Variants in NOTCH2NLC observed in about 807,000 individuals in gnomAD.
The protein encoded by NOTCH2NLC is notch 2 N-terminal like C, also known as notch homolog 2 N-terminal-like protein C.
In NOTCH2NLC, 4 loss-of-function variants were observed where a neutral mutation model predicts 17.7. The observed-to-expected ratio is 0.23, with a 90% CI of 0.11 to 0.52. The LOEUF is 0.52. NOTCH2NLC is among the 20% of genes least tolerant of loss of function. The probability of loss-of-function intolerance (pLI) is 0.96; values close to 1 mark genes in which losing one functional copy is unlikely to be tolerated. For synonymous variants in NOTCH2NLC, 18 were observed against 86.0 expected (o/e 0.21, Z 4.38); for missense variants, 57 against 207.2 (o/e 0.28, Z 4.45).
chr1:149,429,540 G>A (rs1434566656), intron 1 of NOTCH2NLC, among the ~76,000 whole-genome samples: 1 of 150,546 alleles, frequency 6.6e-6, no homozygotes, highest in East Asian at 2.0e-4. Context: ...AAAGTACTTA[G>A]GATAGTGCCT....
Position 149,466,303 on chromosome 1 carries a change from A to T in NOTCH2NLC, c.*2150A>T, listed in dbSNP as rs2101517227. 1 of 149,520 alleles carries T rather than the reference A, an allele frequency of 6.7e-6. No individual in the cohort carries two copies. Among genetic ancestry groups the T allele is most frequent in the Admixed American group, 6.7e-5 (1 of 14,912 alleles). 9.3% of individuals were successfully genotyped at this position (149,520 alleles called of 1,614,324 possible). On this transcript the variant is annotated 3_prime_UTR_variant, in exon 5 of 5. Coordinates refer to ENST00000650865, the MANE Select transcript of NOTCH2NLC (RefSeq NM_001364013.2). ...TATATATATATATATCGCATTGTGC[A>T]GATGTTTAAAAGTAGTTACATAGAC...
In NOTCH2NLC at chr1:149,419,081, TTC is replaced by T. The variant is rs1325263292; in HGVS notation, c.136-11849_136-11848del. 5.0e-4 allele frequency among the ~76,000 whole-genome samples: 74 copies of T among 148,652 alleles called. 1 individual carries two copies. Among genetic ancestry groups the T allele is most frequent in the African/African-American group, 1.6e-3 (63 of 40,634 alleles). ...TTTTTTTTCTTTTCTTTTCTTTCTT[TTC>T]TCTCTCTCTCTTTCTTTAGCAGTTT... On this transcript the variant is annotated intron_variant, in intron 1 of 4. Transcript: ENST00000650865.
chr1:149,423,362 T>C (rs1410583728), intron 1 of NOTCH2NLC, among the ~76,000 whole-genome samples: 53 of 151,414 alleles, frequency 3.5e-4, no homozygotes, highest in Non-Finnish European at 1.5e-5. Context: ...ACTTCTTCTG[T>C]TTGTTTGGAT....
rs1246768422 is a variant in NOTCH2NLC, at chr1:149,445,555, C to T, written c.210-9763C>T. On this transcript the variant is annotated intron_variant, in intron 2 of 4. Transcript: ENST00000650865. ...TACCTCATTTACCTTAACGACAGCT[C>T]CCCCCTCTAGAGCTCAGCTAGGGCA... 1.0e-3 allele frequency among the ~76,000 whole-genome samples: 157 copies of T among 149,598 alleles called. 5 individuals are homozygous for T. The South Asian group carries it at 0.032, about 31-fold the overall frequency.
intron 2 of NOTCH2NLC, among the ~76,000 whole-genome samples, chr1:149,441,906 G>C (rs1370171264): frequency 0.031 from 2,503 of 79,834 alleles, 79 homozygotes; most frequent in Middle Eastern, 0.069. Flanking sequence ...AGTAAGATAA[G>C]CGTTTATGCT....
In NOTCH2NLC at chr1:149,454,252, C is replaced by T. The variant is rs1425604043; in HGVS notation, c.210-1066C>T. 8.6e-3 allele frequency among the ~76,000 whole-genome samples: 127 copies of T among 14,832 alleles called. 9 individuals carry two copies. Among genetic ancestry groups the T allele is most frequent in the Admixed American group, 0.067 (102 of 1,522 alleles). 9.7% of individuals were successfully genotyped at this position (14,832 alleles called of 152,430 possible). ...GTTTTCTAGTCCCTGAAAACTAAAA[C>T]GAGGAATAAGTTGAATCACATATTT... On this transcript the variant is annotated intron_variant, in intron 2 of 4. Transcript: ENST00000650865.
intron 2 of NOTCH2NLC, among the ~76,000 whole-genome samples, chr1:149,435,471 A>C (rs1199710576): frequency 1.3e-5 from 2 of 149,194 alleles, no homozygotes; most frequent in African/African-American, 2.5e-5. Flanking sequence ...CCGATGACAC[A>C]AATCTTAGTC....
intron 3 of NOTCH2NLC, among the ~76,000 whole-genome samples, chr1:149,460,809 T>A (rs1264863068): frequency 6.7e-6 from 1 of 149,342 alleles, no homozygotes. Context: ...CTATACATAA[T>A]GTATATGGAA....
In NOTCH2NLC at chr1:149,390,829, C is replaced by CGGCGGCGGCGGCGGT; in HGVS notation, c.44_45insCGGCGGCGGCGGTGG (p.Gly14_Gly18dup). The CGGCGGCGGCGGCGGT allele has an allele frequency of 1.6e-6, 2 of 1,286,284 alleles. No individual in the cohort carries two copies. The highest frequency in any genetic ancestry group is 2.0e-6 in the Non-Finnish European group (2 of 1,011,874). The allele number at this position is 1,286,284 out of a possible 1,614,324, so 79.7% of individuals were successfully genotyped here. On this transcript the variant is annotated inframe_insertion, in exon 1 of 5. Coordinates refer to ENST00000650865, the MANE Select transcript of NOTCH2NLC (RefSeq NM_001364013.2). ...GCGGCGGCGGCGGCGGCGGCGGCGG[C>CGGCGGCGGCGGCGGT]GGAGGAGGCGGCGACCGAGAAGATG...
Position 149,424,892 on chromosome 1 carries a change from C to T in NOTCH2NLC, c.136-6050C>T, listed in dbSNP as rs1481686756. 4.6e-5 allele frequency among the ~76,000 whole-genome samples: 7 copies of T among 151,072 alleles called. No individual in the cohort carries two copies. In the East Asian group the frequency reaches 7.8e-4, roughly 17 times the overall value. On this transcript the variant is annotated intron_variant, in intron 1 of 4. Coordinates refer to ENST00000650865, the MANE Select transcript of NOTCH2NLC (RefSeq NM_001364013.2). Reference sequence around the variant, plus strand: ...TTCAAACAACCAGCTCACATGGTAGCGAGAACTCACTCATTACTGTGGGTG... The same window carrying T: ...TTCAAACAACCAGCTCACATGGTAGTGAGAACTCACTCATTACTGTGGGTG...
At chr1:149,393,267 G>A (rs2084185780) in intron 1 of NOTCH2NLC, among the ~76,000 whole-genome samples, 1 of 150,356 alleles carries the variant, frequency 6.7e-6, no homozygotes. Context: ...TCAAAGGATA[G>A]GATTTAGATA....
chr1:149,392,762 T>C (rs2084178072), intron 1 of NOTCH2NLC, among the ~76,000 whole-genome samples: 1 of 151,218 alleles, frequency 6.6e-6, no homozygotes, highest in African/African-American at 2.4e-5. Flanking sequence ...TAAATATGAT[T>C]GTAAAGTGAT....
intron 2 of NOTCH2NLC, among the ~76,000 whole-genome samples, chr1:149,433,789 A>T (rs1158059371): frequency 6.7e-6 from 1 of 150,368 alleles, no homozygotes; most frequent in Non-Finnish European, 1.5e-5. Context: ...TCTACTAAAA[A>T]TGCAAAAGAT....
intron 1 of NOTCH2NLC, among the ~76,000 whole-genome samples, chr1:149,428,219 CTT>C (rs1384847617): frequency 1.4e-5 from 2 of 146,722 alleles, no homozygotes; most frequent in African/African-American, 5.0e-5. Flanking sequence ...TCCCTGCGGA[CTT>C]AGTCAGAAAT....
At chr1:149,460,923 TTC>T (rs1197975212) in intron 3 of NOTCH2NLC, among the ~76,000 whole-genome samples, 1 of 131,658 alleles carries the variant, frequency 7.6e-6, no homozygotes, top group Non-Finnish European at 1.6e-5. Context: ...TTCTCTCTCT[TTC>T]TCTCTTTCTC....
rs1201873913 is a variant in NOTCH2NLC, at chr1:149,398,555, T to G, written c.135+7633T>G. 6.9e-3 allele frequency among the ~76,000 whole-genome samples: 1,038 copies of G among 150,826 alleles called. 35 individuals carry two copies. The highest frequency in any genetic ancestry group is 0.024 in the African/African-American group (998 of 41,034). On this transcript the variant is annotated intron_variant, in intron 1 of 4. Transcript: ENST00000650865. ...CATACTAATATCTCCCTCACCCTTT[T>G]GTACTTGTCTTGGCAAAACCCTGTT...
chr1:149,398,133 C>CA (rs1382616688), intron 1 of NOTCH2NLC, among the ~76,000 whole-genome samples: 7 of 151,100 alleles, frequency 4.6e-5, no homozygotes, highest in Non-Finnish European at 8.9e-5. Context: ...GTCTTAATAC[C>CA]ACCAGGGAAA....
intron 1 of NOTCH2NLC, among the ~76,000 whole-genome samples, chr1:149,392,612 A>G (rs2084175734): frequency 6.6e-6 from 1 of 151,248 alleles, no homozygotes; most frequent in Non-Finnish European, 1.5e-5. Flanking sequence ...AGTATAATCA[A>G]TGAGACAGTC....
At chr1:149,428,573 CATGGG>C (rs2084425110) in intron 1 of NOTCH2NLC, among the ~76,000 whole-genome samples, 4 of 151,048 alleles carry the variant, frequency 2.6e-5, no homozygotes, top group Admixed American at 2.6e-4. Flanking sequence ...CATTCTGAGT[CATGGG>C]TGGCTGGGTC....
Sources: gnomAD v4.1 joint callset for allele counts (sites outside exome capture counted in the v4.1 genomes callset) on GRCh38, gnomAD v4.1.1 for gene constraint, MANE v1.5 for transcripts, NCBI Gene and HGNC (gene_info 2026-07-23, HGNC 2026-07-21) for gene names.